EVL: variants seen among roughly 807,000 people sequenced by gnomAD.
The protein encoded by EVL is ena/VASP-like protein.
EVL carries 21 observed loss-of-function variants against 59.6 expected under a neutral mutation model. The ratio of observed to expected loss-of-function variants is 0.35; its 90% CI spans 0.25 to 0.51. EVL has a LOEUF of 0.51. EVL is among the 20% of genes least tolerant of loss of function. The probability of loss-of-function intolerance (pLI) is 0.97; values close to 1 mark genes in which losing one functional copy is unlikely to be tolerated. For missense variants in EVL, 462 were observed against 546.6 expected, an observed-to-expected ratio of 0.85 and a Z score of 1.54; for synonymous variants, 198 against 203.5, an observed-to-expected ratio of 0.97 and a Z score of 0.23.
intron 3 of EVL, among the ~76,000 whole-genome samples, chr14:100,104,047 G>T (rs8005181): frequency 1.3e-5 from 2 of 152,286 alleles, no homozygotes; most frequent in East Asian, 3.9e-4. Context: ...GTACCTGCCC[G>T]TTGGTTGTTC....
rs2061432510 is a variant in EVL, at chr14:100,039,262, G to A, written c.6-45425G>A. 2.6e-5 allele frequency among the ~76,000 whole-genome samples: 4 copies of A among 152,322 alleles called. No individual in the cohort carries two copies. In the South Asian group the frequency reaches 8.3e-4, roughly 32 times the overall value. On this transcript the variant is annotated intron_variant, in intron 1 of 13. Transcript: ENST00000402714. Reference sequence around the variant, plus strand: ...CATTTATTTATTTATTTGAGACGGAGTTGCACTCTTGTTCCCCATGCTGGA... The same window carrying A: ...CATTTATTTATTTATTTGAGACGGAATTGCACTCTTGTTCCCCATGCTGGA...
At chr14:99,983,448 A>G (rs1221889523) in intron 1 of EVL, among the ~76,000 whole-genome samples, 1 of 152,194 alleles carries the variant, frequency 6.6e-6, no homozygotes, top group Non-Finnish European at 1.5e-5. Flanking sequence ...ATGCCATTTT[A>G]TAGCTCTAAA....
chr14:100,129,721 G>A, intron 7 of EVL, 37 bp downstream of exon 7: 1 of 1,510,980 alleles, frequency 6.6e-7, no homozygotes, highest in Non-Finnish European at 8.9e-7. Context: ...GGTGTGCCTA[G>A]CAGGAAGCTC....
intron 1 of EVL, among the ~76,000 whole-genome samples, chr14:100,002,693 T>C (rs2060953459): frequency 1.3e-5 from 2 of 152,248 alleles, no homozygotes; most frequent in African/African-American, 4.8e-5. Context: ...TATAACTTGA[T>C]TTTGGAAAGT....
At chr14:99,986,322 T>C (rs1311981886) in intron 1 of EVL, among the ~76,000 whole-genome samples, 2 of 147,988 alleles carry the variant, frequency 1.4e-5, no homozygotes, top group South Asian at 4.3e-4. Context: ...ATCAAATGTA[T>C]CCACTGGCAC....
chr14:100,028,139 T>TTG lies in EVL; in HGVS notation c.5+56083_5+56084insGT, dbSNP rs770891231. Among the ~76,000 whole-genome samples, 36 of 147,998 alleles carry TTG rather than the reference T, an allele frequency of 2.4e-4. 1 individual carries two copies. Among genetic ancestry groups the TTG allele is most frequent in the African/African-American group, 8.6e-4 (34 of 39,338 alleles). On this transcript the variant is annotated intron_variant, in intron 1 of 13. Coordinates refer to the EVL transcript ENST00000402714. ...AGTTGTTTTTTTGTTTGTTTGTTTT[T>TTG]TTTTTTTTTTTTGAGGAACCTCCAA...
chr14:99,993,815 C>T (rs2060892710), intron 1 of EVL, among the ~76,000 whole-genome samples: 1 of 151,036 alleles, frequency 6.6e-6, no homozygotes, highest in South Asian at 2.1e-4. Flanking sequence ...CCTCAGCCTC[C>T]CAAGTAGCTG....
At chr14:100,103,899 TC>T (rs35160130) in intron 3 of EVL, among the ~76,000 whole-genome samples, 5 of 152,122 alleles carry the variant, frequency 3.3e-5, no homozygotes, top group African/African-American at 1.2e-4. Context: ...GTTTTTCACA[TC>T]CCGGCACCCA....
chr14:100,140,098 TAAAAAA>T (rs1315760735), intron 11 of EVL: 2 of 149,030 alleles, frequency 1.3e-5, no homozygotes, highest in African/African-American at 2.5e-5. Flanking sequence ...TACAAAAAGT[TAAAAAA>T]GAAAAAAAAA....
chr14:100,132,886 C>A, intron 8 of EVL, 107 bp downstream of exon 8: 1 of 1,244,208 alleles, frequency 8.0e-7, no homozygotes, highest in Non-Finnish European at 1.2e-6. Flanking sequence ...GTGGGATGGG[C>A]GCTTCATCAG....
At chr14:100,062,883 A>G (rs797013876), upstream of EVL, among the ~76,000 whole-genome samples, 7 of 152,304 alleles carry the variant, frequency 4.6e-5, no homozygotes, top group African/African-American at 1.4e-4. Context: ...ACTTGAGGCC[A>G]GGAGTTTGAG....
intron 1 of EVL, among the ~76,000 whole-genome samples, chr14:100,007,935 G>T (rs940087287): frequency 6.6e-6 from 1 of 152,136 alleles, no homozygotes; most frequent in Non-Finnish European, 1.5e-5. Flanking sequence ...TGTTGTGGAG[G>T]ACTACCTGTA....
At chr14:99,981,337 CAGA>C (rs1378077668) in intron 1 of EVL, among the ~76,000 whole-genome samples, 2 of 152,026 alleles carry the variant, frequency 1.3e-5, no homozygotes, top group Admixed American at 6.5e-5. Flanking sequence ...GAGGCTGAGG[CAGA>C]AGAATTGCTT....
At chr14:100,140,564 C>T (rs985584408) in intron 11 of EVL, 2 of 151,042 alleles carry the variant, frequency 1.3e-5, no homozygotes, top group Non-Finnish European at 2.9e-5. Context: ...TGCAGTGAGC[C>T]AAGATTGCGC....
chr14:100,029,305 C>T (rs1271232207), intron 1 of EVL, among the ~76,000 whole-genome samples: 1 of 152,178 alleles, frequency 6.6e-6, no homozygotes, highest in East Asian at 1.9e-4. Context: ...GCAAACATAT[C>T]CTCAACTATG....
At chr14:100,074,745 A>G (rs1016348433) in intron 1 of EVL, 9 of 152,398 alleles carry the variant, frequency 5.9e-5, no homozygotes, top group African/African-American at 1.9e-4. Flanking sequence ...ACCTTGGGAA[A>G]GACAGTGGTC....
chr14:100,141,714 C>T (rs779123114), intron 12 of EVL, 22 bp from the exon 13 acceptor site: 1 of 1,612,224 alleles, frequency 6.2e-7, no homozygotes, highest in African/African-American at 1.3e-5. Flanking sequence ...GTCCCTTCAC[C>T]TGGACACTCC....
chr14:100,051,790 T>G (rs916750459), intron 1 of EVL, among the ~76,000 whole-genome samples: 1 of 152,168 alleles, frequency 6.6e-6, no homozygotes, highest in African/African-American at 2.4e-5. Flanking sequence ...GTTCCCTGGT[T>G]TCTAACTTCC....
At chr14:100,022,261 G>C (rs1268911964) in intron 1 of EVL, among the ~76,000 whole-genome samples, 1 of 151,272 alleles carries the variant, frequency 6.6e-6, no homozygotes, top group African/African-American at 2.4e-5. Flanking sequence ...CAGAAGGAAG[G>C]GCCACATTCT....
Sources: allele counts gnomAD v4.1 joint callset (sites outside exome capture counted in the v4.1 genomes callset), GRCh38; gene constraint gnomAD v4.1.1; transcripts MANE v1.5; gene names NCBI Gene and HGNC (gene_info 2026-07-23, HGNC 2026-07-21).